CLIC5: variants seen among roughly 807,000 people sequenced by gnomAD.
CLIC5 encodes the protein CLIC family member 5.
In CLIC5, 20 loss-of-function variants were observed where a neutral mutation model predicts 24.7. That is an observed-to-expected ratio of 0.81 (90% CI 0.57 to 1.18). The LOEUF (loss-of-function observed/expected upper bound fraction) is 1.18. Ranked by LOEUF, CLIC5 falls within the 50% of genes most tolerant of loss-of-function variation. CLIC5 has a pLI of 0.00. For missense variants in CLIC5, 341 were observed against 326.1 expected (o/e 1.05, Z -0.35); for synonymous variants, 159 against 135.6 (o/e 1.17, Z -1.20).
intron 4 of CLIC5, among the ~76,000 whole-genome samples, chr6:45,922,255 T>C (rs2127330068): frequency 6.6e-6 from 1 of 152,332 alleles, no homozygotes; most frequent in South Asian, 2.1e-4. Flanking sequence ...AAGATAGCGT[T>C]TAAGTCTTAC....
chr6:45,990,558 CT>C (rs1765900473), intron 1 of CLIC5, among the ~76,000 whole-genome samples: 1 of 152,168 alleles, frequency 6.6e-6, no homozygotes. Context: ...GGTGAGTTAC[CT>C]CACAGCAAAA....
At chr6:45,941,791 C>T (rs1303137454) in intron 3 of CLIC5, 138 bp from the exon 4 acceptor site, 1 of 713,020 alleles carries the variant, frequency 1.4e-6, no homozygotes, top group East Asian at 2.7e-5. Context: ...TATCCTCATA[C>T]TATAGGGAGG....
chr6:45,923,874 C>T (rs531978583), intron 4 of CLIC5, among the ~76,000 whole-genome samples: 1 of 152,128 alleles, frequency 6.6e-6, no homozygotes, highest in South Asian at 2.1e-4. Flanking sequence ...GGGTCCTGAC[C>T]CTGACACATA....
In CLIC5 at chr6:45,999,732, G is replaced by GTTTTTTTTTT. The variant is rs1201850451; in HGVS notation, c.63+15738_63+15747dup. Among the ~76,000 whole-genome samples, 12 of 50,848 alleles carry GTTTTTTTTTT rather than the reference G, an allele frequency of 2.4e-4. 3 individuals carry two copies. The highest frequency in any genetic ancestry group is 1.6e-3 in the East Asian group (2 of 1,248). 33.4% of individuals were successfully genotyped at this position (50,848 alleles called of 152,430 possible). ...GTAAATCTATTTTCTCTTCCTTGTGGTTTTTTTTTTTTTTTTTTTTTTTTG... is the reference window on the plus strand; with the variant it reads ...GTAAATCTATTTTCTCTTCCTTGTGGTTTTTTTTTTTTTTTTTTTTTTTTTTTTTTTTTTG... On this transcript the variant is annotated intron_variant, in intron 1 of 5. Transcript: ENST00000339561.
Position 45,994,472 on chromosome 6 carries a change from G to A in CLIC5, c.63+21008C>T, listed in dbSNP as rs183519841. 1.4e-4 allele frequency among the ~76,000 whole-genome samples: 22 copies of A among 152,146 alleles called. No individual in the cohort carries two copies. In the East Asian group the frequency reaches 3.3e-3, roughly 23 times the overall value. ...ACATGGACACAGGGAGGGGAACAAC[G>A]CACACCAGGGCATGTTGCAGGGTGA... On this transcript the variant is annotated intron_variant, in intron 1 of 5. Coordinates refer to ENST00000339561, the MANE Select transcript of CLIC5 (RefSeq NM_016929.5).
chr6:46,031,922 C>A, intron 1 of CLIC5, among the ~76,000 whole-genome samples: 1 of 136,702 alleles, frequency 7.3e-6, no homozygotes, highest in Non-Finnish European at 1.6e-5. Flanking sequence ...TATATGTACA[C>A]AACATATATA....
At chr6:45,932,115 TTC>T (rs1763761374) in intron 4 of CLIC5, among the ~76,000 whole-genome samples, 1 of 152,222 alleles carries the variant, frequency 6.6e-6, no homozygotes, top group Non-Finnish European at 1.5e-5. Context: ...AAAGTTTCTT[TTC>T]TTTTTTCTTT....
intron 1 of CLIC5, among the ~76,000 whole-genome samples, chr6:46,070,681 C>G: frequency 6.6e-6 from 1 of 152,122 alleles, no homozygotes; most frequent in Non-Finnish European, 1.5e-5. Flanking sequence ...CTATTCCTAT[C>G]AAACTACCAG....
At chr6:46,102,516 G>A in the CLIC5 span, 1 of 152,340 alleles carries the variant, frequency 6.6e-6, no homozygotes, top group South Asian at 2.1e-4. Flanking sequence ...TTGGGGAAAA[G>A]GGATTCTGGT....
At chr6:45,965,668 A>T (rs1379228513) in intron 1 of CLIC5, among the ~76,000 whole-genome samples, 1 of 152,200 alleles carries the variant, frequency 6.6e-6, no homozygotes, top group Non-Finnish European at 1.5e-5. Flanking sequence ...TCCTTTCCAC[A>T]TTGGTATAAT....
At chr6:46,093,804 A>C in the CLIC5 span, among the ~76,000 whole-genome samples, 1 of 152,252 alleles carries the variant, frequency 6.6e-6, no homozygotes, top group Non-Finnish European at 1.5e-5. Flanking sequence ...AGATGAAAAC[A>C]CATGTTCACA....
chr6:45,881,281 G>T, intron 6 of CLIC5: 1 of 396,088 alleles, frequency 2.5e-6, no homozygotes, highest in South Asian at 1.3e-4. Flanking sequence ...AAGCATGAAG[G>T]ATATTACTGA....
intron 1 of CLIC5, among the ~76,000 whole-genome samples, chr6:46,011,553 G>A (rs1429654029): frequency 2.0e-5 from 3 of 152,198 alleles, no homozygotes; most frequent in African/African-American, 7.2e-5. Context: ...AGGTAGTGAA[G>A]GCTGAGAACC....
chr6:46,037,265 T>C (rs1282603302), intron 1 of CLIC5, among the ~76,000 whole-genome samples: 2 of 152,208 alleles, frequency 1.3e-5, no homozygotes, highest in Non-Finnish European at 2.9e-5. Flanking sequence ...AATTACAATC[T>C]TTTGGTCACA....
chr6:45,992,949 G>GCA (rs1027828722), intron 1 of CLIC5, among the ~76,000 whole-genome samples: 7 of 152,008 alleles, frequency 4.6e-5, no homozygotes, highest in African/African-American at 1.4e-4. Flanking sequence ...GCCTGTGTGT[G>GCA]CACACACACA....
intron 1 of CLIC5, among the ~76,000 whole-genome samples, chr6:46,058,758 G>A (rs1768332887): frequency 6.6e-6 from 1 of 152,064 alleles, no homozygotes; most frequent in African/African-American, 2.4e-5. Flanking sequence ...GCTCAACGGT[G>A]GAAGAAAAAA....
chr6:45,908,678 G>T (rs1043835893), intron 5 of CLIC5, among the ~76,000 whole-genome samples: 1 of 151,950 alleles, frequency 6.6e-6, no homozygotes, highest in Non-Finnish European at 1.5e-5. Flanking sequence ...ATTGAGATTT[G>T]CTTTATGACT....
At chr6:45,996,120 T>TA (rs59715080) in intron 1 of CLIC5, among the ~76,000 whole-genome samples, 6,849 of 128,364 alleles carry the variant, frequency 0.053, 555 homozygotes, top group African/African-American at 0.18. Flanking sequence ...ACCTCAGAAC[T>TA]AAAAAAAAAA....
upstream of CLIC5, among the ~76,000 whole-genome samples, chr6:46,083,137 G>A (rs1416115218): frequency 6.6e-6 from 1 of 152,208 alleles, no homozygotes; most frequent in Non-Finnish European, 1.5e-5. Context: ...TATCTGATAT[G>A]TAATAGCTGC....
Sources: gnomAD v4.1 joint callset for allele counts (sites outside exome capture counted in the v4.1 genomes callset) on GRCh38, gnomAD v4.1.1 for gene constraint, MANE v1.5 for transcripts, NCBI Gene and HGNC (gene_info 2026-07-23, HGNC 2026-07-21) for gene names.